The following ADGRB3 variants were observed in gnomAD, a reference collection of about 807,000 sequenced individuals.
The protein encoded by ADGRB3 is brain-specific angiogenesis inhibitor 3.
Under a neutral mutation model 193.4 loss-of-function variants are expected in ADGRB3, and 37 were observed. The ratio of observed to expected loss-of-function variants is 0.19; its 90% CI spans 0.15 to 0.25. The LOEUF (loss-of-function observed/expected upper bound fraction) is 0.25, where lower values mean the gene tolerates loss of function less well. ADGRB3 is among the 10% of genes least tolerant of loss of function. ADGRB3 has a pLI of 1.00. For synonymous variants in ADGRB3, 690 were observed against 644.2 expected, an observed-to-expected ratio of 1.07 and a Z score of -1.08; for missense variants, 1,637 against 1,852.9, an observed-to-expected ratio of 0.88 and a Z score of 2.14.
chr6:68,968,400 A>G (rs1768454677), intron 8 of ADGRB3, among the ~76,000 whole-genome samples: 1 of 152,246 alleles, frequency 6.6e-6, no homozygotes, highest in African/African-American at 2.4e-5. Flanking sequence ...AGTTCATGAT[A>G]CAAATTGAAT....
chr6:68,675,455 TG>T (rs1252161458), intron 3 of ADGRB3, among the ~76,000 whole-genome samples: 4 of 151,966 alleles, frequency 2.6e-5, no homozygotes, highest in African/African-American at 9.7e-5. Flanking sequence ...TTCAAAAAAA[TG>T]GTATTTAGAA....
chr6:68,706,102 G>T (rs376941017), intron 3 of ADGRB3, among the ~76,000 whole-genome samples: 2 of 152,138 alleles, frequency 1.3e-5, no homozygotes, highest in Admixed American at 6.5e-5. Context: ...AGGTTGAAAG[G>T]TCTAGATGTA....
Position 69,233,382 on chromosome 6 carries a change from C to A in ADGRB3, c.2573C>A (p.Thr858Asn). Reference sequence around the variant, plus strand: ...AAATGCTTATGTGATCGTCTCTCTACCTTCGCCATTTTGGCTCAGCAACCT... The same window carrying A: ...AAATGCTTATGTGATCGTCTCTCTAACTTCGCCATTTTGGCTCAGCAACCT... ...HTKCLCDRLS[T>N]FAILAQQPRE... Residue 858 changes from threonine to asparagine, a missense_variant, in exon 18 of 32, where the codon ACC becomes AAC. Thr to Asn is a moderately conservative substitution (Grantham distance 65). Coordinates refer to ENST00000370598, the MANE Select transcript of ADGRB3 (RefSeq NM_001704.3). 2 of 1,614,084 alleles carry A rather than the reference C, an allele frequency of 1.2e-6. No homozygotes were observed. Among genetic ancestry groups the A allele is most frequent in the Non-Finnish European group, 1.7e-6 (2 of 1,180,012 alleles).
intron 20 of ADGRB3, among the ~76,000 whole-genome samples, chr6:69,239,801 T>C (rs1428583857): frequency 3.3e-5 from 5 of 152,044 alleles, no homozygotes; most frequent in Non-Finnish European, 7.4e-5. Flanking sequence ...TTTCTGTTTA[T>C]ATGAATGAAC....
Position 68,894,403 on chromosome 6 carries a change from T to A in ADGRB3, c.758-36156T>A, listed in dbSNP as rs139651643. Among the ~76,000 whole-genome samples, 503 of 152,114 alleles carry A rather than the reference T, an allele frequency of 3.3e-3. 3 individuals are homozygous for A. The highest frequency in any genetic ancestry group is 5.5e-3 in the Non-Finnish European group (376 of 67,864). On this transcript the variant is annotated intron_variant, in intron 3 of 31. Transcript: ENST00000370598. Reference sequence around the variant, plus strand: ...GAACATCTGTTCTGCAGAATATTCCTGTTCTATATGAGTTACAAGGTATAT... The same window carrying A: ...GAACATCTGTTCTGCAGAATATTCCAGTTCTATATGAGTTACAAGGTATAT...
Position 69,065,764 on chromosome 6 carries a change from T to TACAC in ADGRB3, c.2436+2760_2436+2763dup, listed in dbSNP as rs3043304. On this transcript the variant is annotated intron_variant, in intron 16 of 31. Transcript: ENST00000370598. ...CAAGCCTGAACTTCATGTATATATA[T>TACAC]ACACACACACACACACACACACACA... is the stretch of plus-strand genomic sequence containing the variant. Among the ~76,000 whole-genome samples, 291 of 129,274 alleles carry TACAC rather than the reference T, an allele frequency of 2.3e-3. 1 individual carries two copies. Among genetic ancestry groups the TACAC allele is most frequent in the African/African-American group, 8.0e-3 (273 of 34,236 alleles). 84.8% of individuals were successfully genotyped at this position (129,274 alleles called of 152,430 possible).
At chr6:68,637,959 C>T (rs1767995292) in intron 2 of ADGRB3, among the ~76,000 whole-genome samples, 2 of 152,308 alleles carry the variant, frequency 1.3e-5, no homozygotes, top group Middle Eastern at 6.8e-3. Flanking sequence ...ATGTATTTAT[C>T]CATCTATGCC....
At chr6:68,799,773 T>C (rs925598656) in intron 3 of ADGRB3, among the ~76,000 whole-genome samples, 2 of 152,188 alleles carry the variant, frequency 1.3e-5, no homozygotes, top group African/African-American at 4.8e-5. Flanking sequence ...GATGTTCATA[T>C]GATGATCCGG....
intron 11 of ADGRB3, among the ~76,000 whole-genome samples, chr6:69,004,143 T>G (rs1250282085): frequency 6.6e-6 from 1 of 152,188 alleles, no homozygotes; most frequent in African/African-American, 2.4e-5. Flanking sequence ...TTTTAAAAAG[T>G]TTTTATTGAA....
chr6:69,070,158 A>G (rs1405938875), intron 16 of ADGRB3, among the ~76,000 whole-genome samples: 1 of 152,098 alleles, frequency 6.6e-6, no homozygotes, highest in Non-Finnish European at 1.5e-5. Flanking sequence ...TTGCCTATTT[A>G]CTTGCTGTGC....
At chr6:68,757,803 T>G (rs1170925928) in intron 3 of ADGRB3, among the ~76,000 whole-genome samples, 1 of 152,126 alleles carries the variant, frequency 6.6e-6, no homozygotes, top group African/African-American at 2.4e-5. Context: ...CCACCAATGT[T>G]TCAGCCCCTT....
At chr6:69,346,297 A>G (rs1011859898) in intron 26 of ADGRB3, among the ~76,000 whole-genome samples, 2 of 152,228 alleles carry the variant, frequency 1.3e-5, no homozygotes, top group South Asian at 4.1e-4. Flanking sequence ...CTAAGCAAAA[A>G]GAACAAAGCT....
In ADGRB3 at chr6:68,654,107, C is replaced by A. The variant is rs148792728; in HGVS notation, c.757+14675C>A. Among the ~76,000 whole-genome samples, 139 of 152,168 alleles carry A rather than the reference C, an allele frequency of 9.1e-4. 1 individual carries two copies. Among genetic ancestry groups the A allele is most frequent in the African/African-American group, 3.2e-3 (132 of 41,550 alleles). ...TGTAATCACTTAGTAAGCACTGCTT[C>A]ATTAATCTTAACAATTTTCTTGTGA... On this transcript the variant is annotated intron_variant, in intron 3 of 31. Coordinates refer to ENST00000370598, the MANE Select transcript of ADGRB3 (RefSeq NM_001704.3).
chr6:68,643,716 G>T (rs1768138193), intron 3 of ADGRB3, among the ~76,000 whole-genome samples: 1 of 151,708 alleles, frequency 6.6e-6, no homozygotes, highest in African/African-American at 2.4e-5. Flanking sequence ...GGTGGACCAT[G>T]AGGTCAGGAC....
chr6:69,332,184 A>G (rs1056517337), intron 23 of ADGRB3: 2 of 985,290 alleles, frequency 2.0e-6, no homozygotes, highest in African/African-American at 3.5e-5. Flanking sequence ...ATAGACATCT[A>G]TGCAGTTTTT....
chr6:69,150,362 A>G (rs892715773), intron 17 of ADGRB3, among the ~76,000 whole-genome samples: 1 of 152,190 alleles, frequency 6.6e-6, no homozygotes, highest in Non-Finnish European at 1.5e-5. Flanking sequence ...TTTAACAGGC[A>G]GAAAAGTCTT....
At chr6:69,251,046 G>A (rs929534287) in intron 20 of ADGRB3, among the ~76,000 whole-genome samples, 2 of 152,088 alleles carry the variant, frequency 1.3e-5, no homozygotes, top group African/African-American at 4.8e-5. Context: ...AATGTTGTAG[G>A]GGTCAATAAG....
intron 13 of ADGRB3, 36 bp downstream of exon 13, chr6:69,018,535 A>G: frequency 6.9e-7 from 1 of 1,441,576 alleles, no homozygotes; most frequent in Non-Finnish European, 9.7e-7. Flanking sequence ...ATCTTTCTGA[A>G]ATAAAAAAAA....
intron 13 of ADGRB3, among the ~76,000 whole-genome samples, chr6:69,023,045 T>C (rs1770318504): frequency 6.6e-6 from 1 of 152,106 alleles, no homozygotes; most frequent in Admixed American, 6.5e-5. Context: ...TGTATTAGTT[T>C]AGAACCTAGA....
Sources: gnomAD v4.1 joint callset for allele counts (sites outside exome capture counted in the v4.1 genomes callset) on GRCh38, gnomAD v4.1.1 for gene constraint, MANE v1.5 for transcripts, NCBI Gene and HGNC (gene_info 2026-07-23, HGNC 2026-07-21) for gene names.